COL9A1: variants seen among roughly 807,000 people sequenced by gnomAD.
COL9A1 encodes collagen type IX alpha 1 chain.
A neutral mutation model predicts 142.6 loss-of-function variants in COL9A1; 104 were observed. The observed-to-expected ratio is 0.73, with a 90% CI of 0.62 to 0.86. The LOEUF is 0.86. Ranked by LOEUF, COL9A1 falls within the 40% of genes least tolerant of loss-of-function variation. The probability of loss-of-function intolerance (pLI) is 0.00; values close to 1 mark genes in which losing one functional copy is unlikely to be tolerated. For missense variants in COL9A1, 1,210 were observed against 1,176.6 expected (o/e 1.03, Z -0.42); for synonymous variants, 466 against 396.0 (o/e 1.18, Z -2.10).
intron 16 of COL9A1, among the ~76,000 whole-genome samples, chr6:70,269,267 G>A (rs1772240321): frequency 6.6e-6 from 1 of 152,074 alleles, no homozygotes; most frequent in Admixed American, 6.5e-5. Context: ...CCAATCAAAT[G>A]GGCCAACATT....
chr6:70,280,403 G>A, intron 10 of COL9A1: 1 of 1,184,674 alleles, frequency 8.4e-7, no homozygotes, highest in Non-Finnish European at 1.0e-6. Flanking sequence ...CGGTGAAAGA[G>A]CAAGGGCGAA....
chr6:70,266,142 A>G (rs551576541), intron 18 of COL9A1, among the ~76,000 whole-genome samples: 17 of 152,330 alleles, frequency 1.1e-4, no homozygotes, highest in African/African-American at 3.8e-4. Context: ...TCTGCAGGGC[A>G]TGCCAGCTGC....
chr6:70,284,802 G>A (rs976422610), intron 5 of COL9A1, among the ~76,000 whole-genome samples: 2 of 152,160 alleles, frequency 1.3e-5, no homozygotes, highest in East Asian at 1.9e-4. Context: ...TAAGCATCCA[G>A]GTCCTAGATC....
chr6:70,270,365 A>C lies in COL9A1; in HGVS notation c.1146T>G (p.Gly382=), dbSNP rs1301814632. ...CAGGTGGTCCTCTTCTCCCAGGGTCACCCTAAGTTATTTGAAAATTGCGAC... is the reference window on the plus strand; with the variant it reads ...CAGGTGGTCCTCTTCTCCCAGGGTCCCCCTAAGTTATTTGAAAATTGCGAC... ...PGELGRVGPV[G]DPGRRGPPGP... Residue 382 remains glycine, a splice_region_variant and synonymous_variant, in exon 15 of 38, where the codon GGT becomes GGG. Coordinates refer to ENST00000357250, the MANE Select transcript of COL9A1 (RefSeq NM_001851.6). 6.2e-7 allele frequency: 1 copy of C among 1,613,452 alleles called. No homozygotes were observed. Among genetic ancestry groups the C allele is most frequent in the African/African-American group, 1.3e-5 (1 of 74,860 alleles).
chr6:70,288,450 A>G (rs901372100), intron 5 of COL9A1, among the ~76,000 whole-genome samples: 26 of 152,198 alleles, frequency 1.7e-4, no homozygotes, highest in Non-Finnish European at 3.5e-4. Flanking sequence ...TCAAAATAGC[A>G]GCCAAGGAGA....
intron 32 of COL9A1, 56 bp downstream of exon 32, chr6:70,240,630 ACTT>A: frequency 8.4e-7 from 1 of 1,193,296 alleles, no homozygotes; most frequent in Non-Finnish European, 1.2e-6. Context: ...ATATATATAT[ACTT>A]CTAACAGTTC....
At chr6:70,249,670 A>G (rs16868814) in intron 28 of COL9A1, among the ~76,000 whole-genome samples, 6,967 of 152,254 alleles carry the variant, frequency 0.046, 327 homozygotes, top group East Asian at 0.14. Context: ...GCAAGAATTT[A>G]GACTCTTACA....
intron 32 of COL9A1, among the ~76,000 whole-genome samples, chr6:70,240,287 A>G (rs1163979085): frequency 6.6e-6 from 1 of 152,192 alleles, no homozygotes; most frequent in Non-Finnish European, 1.5e-5. Flanking sequence ...CTTTCTAACT[A>G]TAATAAAACT....
At position 70,300,036 on chromosome 6, in the gene COL9A1, A is replaced by G; in HGVS notation, c.299+7T>C. ...ATAATTAGATTAAAATATTTTTGAT[A>G]GATTACCTAGTTGGAATCCTGAAGT... On this transcript the variant is annotated splice_region_variant and intron_variant, in intron 4 of 37. Transcript: ENST00000357250. 6.2e-7 allele frequency: 1 copy of G among 1,613,386 alleles called. No homozygotes were observed.
rs374255811 is a variant in COL9A1, at chr6:70,272,069, G to T, written c.1085C>A (p.Pro362His). The T allele has an allele frequency of 2.5e-6, 4 of 1,611,752 alleles. No individual in the cohort carries two copies. Among genetic ancestry groups the T allele is most frequent in the Non-Finnish European group, 2.5e-6 (3 of 1,178,460 alleles). ...RGFPGRGIPG[P>H]PGPPGTAGLP... ...AAATGATGAAGTGATACTTACAGGG[G>T]GTCCAGGAATACCACGGCCCTAAAA... Residue 362 changes from proline to histidine, a missense_variant, in exon 13 of 38, where the codon CCC (proline) becomes CAC (histidine). Physicochemically the swap from Pro to His is moderately conservative, Grantham distance 77 (BLOSUM62 -2). Transcript: ENST00000357250.
At chr6:70,270,489 A>AC (rs1291813762) in intron 14 of COL9A1, 122 bp from the exon 15 acceptor site, 62 of 721,774 alleles carry the variant, frequency 8.6e-5, no homozygotes, top group Non-Finnish European at 1.2e-4. Flanking sequence ...CCATGCATAG[A>AC]CCTGCCACCA....
intron 5 of COL9A1, among the ~76,000 whole-genome samples, chr6:70,288,628 C>A (rs1215014441): frequency 2.0e-5 from 3 of 152,216 alleles, no homozygotes; most frequent in African/African-American, 7.2e-5. Flanking sequence ...TCCAGCCACA[C>A]TGGCTGCCAG....
rs563810675 is a variant in COL9A1, at chr6:70,280,415, G to C, written c.975+397C>G. ...TGCCGGTGAAAGAGCAAGGGCGAAG[G>C]CTAGCTTCCAGGAGCCTGCCAGTGG... On this transcript the variant is annotated intron_variant, in intron 10 of 37. Coordinates refer to ENST00000357250, the MANE Select transcript of COL9A1 (RefSeq NM_001851.6). 7.4e-5 allele frequency: 89 copies of C among 1,195,180 alleles called. No homozygotes were observed. In the African/African-American group the frequency reaches 1.2e-3, roughly 16 times the overall value. The allele number at this position is 1,195,180 out of a possible 1,614,324, so 74.0% of individuals were successfully genotyped here.
At position 70,216,938 on chromosome 6, in the gene COL9A1, G is replaced by T. The variant is rs772906014; in HGVS notation, c.2725C>A (p.Gln909Lys). ...TTGTTAAATGCTCGCTGACCAGCCT[G>T]CATGGTGCAGGAGGCTGGCTCACAG... ...GFCEPASCTM[Q>K]AGQRAFNKGP... is the part of the protein sequence containing the mutation. Residue 909 changes from glutamine (Q) to lysine (K), a missense_variant, in exon 38 of 38, where the codon CAG becomes AAG. By Grantham distance (53) the Gln-to-Lys change is moderately conservative (BLOSUM62 1). Coordinates refer to ENST00000357250, the MANE Select transcript of COL9A1 (RefSeq NM_001851.6). 6.2e-7 allele frequency: 1 copy of T among 1,614,184 alleles called. No homozygotes were observed. The highest frequency in any genetic ancestry group is 8.5e-7 in the Non-Finnish European group (1 of 1,180,038).
intron 32 of COL9A1, among the ~76,000 whole-genome samples, chr6:70,240,277 C>T (rs1287389720): frequency 6.6e-6 from 1 of 152,148 alleles, no homozygotes; most frequent in Admixed American, 6.6e-5. Flanking sequence ...TGAGTCACAG[C>T]TTTCTAACTA....
intron 28 of COL9A1, among the ~76,000 whole-genome samples, chr6:70,243,653 G>T (rs1042948058): frequency 6.6e-6 from 1 of 152,034 alleles, no homozygotes; most frequent in Non-Finnish European, 1.5e-5. Context: ...TCAGCCTCCT[G>T]AGTAGCTGGG....
intron 33 of COL9A1, 35 bp from the exon 34 acceptor site, chr6:70,234,975 A>G (rs1769814526): frequency 1.2e-6 from 2 of 1,613,930 alleles, no homozygotes; most frequent in Admixed American, 1.7e-5. Context: ...AACCAGGGCT[A>G]AGCATAAAGA....
chr6:70,226,865 C>A (rs932285970), intron 36 of COL9A1, among the ~76,000 whole-genome samples: 2 of 152,144 alleles, frequency 1.3e-5, no homozygotes, highest in African/African-American at 4.8e-5. Flanking sequence ...TATAGAAAAA[C>A]ACATAAGCCA....
chr6:70,236,632 A>G (rs1769927533), intron 33 of COL9A1, among the ~76,000 whole-genome samples: 1 of 152,226 alleles, frequency 6.6e-6, no homozygotes, highest in African/African-American at 2.4e-5. Context: ...AGCTCAGCAA[A>G]TGTGCTTTTC....
Sources: gnomAD v4.1 joint callset for allele counts (sites outside exome capture counted in the v4.1 genomes callset) on GRCh38, gnomAD v4.1.1 for gene constraint, MANE v1.5 for transcripts, NCBI Gene and HGNC (gene_info 2026-07-23, HGNC 2026-07-21) for gene names.